The following NUP210L variants were observed in gnomAD, a reference collection of about 807,000 sequenced individuals.
NUP210L encodes nucleoporin 210 like.
A neutral mutation model predicts 208.5 loss-of-function variants in NUP210L; 74 were observed. That is an observed-to-expected ratio of 0.35 (90% CI 0.29 to 0.43). The LOEUF (loss-of-function observed/expected upper bound fraction) is 0.43, where lower values mean the gene tolerates loss of function less well. Ranked by LOEUF, NUP210L falls within the 20% of genes least tolerant of loss-of-function variation. The pLI is 1.00. For synonymous variants in NUP210L, 780 were observed against 816.9 expected, an observed-to-expected ratio of 0.95 and a Z score of 0.77; for missense variants, 1,843 against 2,289.4, an observed-to-expected ratio of 0.81 and a Z score of 3.98.
chr1:154,128,452 G>T (rs1200925617), intron 8 of NUP210L, among the ~76,000 whole-genome samples: 1 of 152,170 alleles, frequency 6.6e-6, no homozygotes, highest in Non-Finnish European at 1.5e-5. Flanking sequence ...TTGCATTCCA[G>T]CCTGGGCAAC....
intron 35 of NUP210L, among the ~76,000 whole-genome samples, chr1:154,003,627 G>A (rs568977587): frequency 3.4e-4 from 52 of 152,190 alleles, no homozygotes; most frequent in African/African-American, 1.2e-3. Context: ...CTCAGAGCTA[G>A]GGCTACAGGT....
At chr1:154,124,336 G>A (rs569917337) in intron 10 of NUP210L, among the ~76,000 whole-genome samples, 3 of 152,098 alleles carry the variant, frequency 2.0e-5, no homozygotes, top group East Asian at 1.9e-4. Flanking sequence ...GGGTGACTTC[G>A]GATTTTGTCT....
At chr1:154,044,330 C>T (rs1230855535) in intron 27 of NUP210L, among the ~76,000 whole-genome samples, 1 of 151,770 alleles carries the variant, frequency 6.6e-6, no homozygotes, top group Non-Finnish European at 1.5e-5. Flanking sequence ...TCGCTTGAAC[C>T]CAGGAGGCGG....
intron 38 of NUP210L, among the ~76,000 whole-genome samples, chr1:153,993,437 G>C (rs9943228): frequency 0.027 from 4,061 of 152,136 alleles, 182 homozygotes; most frequent in African/African-American, 0.091. Context: ...GTGTTGGCGG[G>C]TGCCTGTAGT....
chr1:154,057,690 ATGTG>A (rs4060104), intron 22 of NUP210L, among the ~76,000 whole-genome samples: 5,244 of 125,410 alleles, frequency 0.042, 88 homozygotes, highest in African/African-American at 0.056. Flanking sequence ...AGGACCTCGA[ATGTG>A]TGTGTGTGTG....
Position 154,056,963 on chromosome 1 carries a change from T to C in NUP210L, c.3108-16A>G. On this transcript the variant is annotated splice_polypyrimidine_tract_variant and intron_variant, in intron 22 of 39. Transcript: ENST00000368559. ...CTCCATTGGTCTGCAAAAACCCATG[T>C]ATTTTCAGGTGAGAAAGATTTTTGT... 1 of 1,605,262 alleles carries C rather than the reference T, an allele frequency of 6.2e-7. No individual in the cohort carries two copies. Among genetic ancestry groups the C allele is most frequent in the Non-Finnish European group, 8.5e-7 (1 of 1,177,420 alleles).
At chr1:154,118,556 C>A in intron 11 of NUP210L, 115 bp downstream of exon 11, 1 of 807,122 alleles carries the variant, frequency 1.2e-6, no homozygotes, top group Non-Finnish European at 1.8e-6. Context: ...CACCAAAACC[C>A]AAGTTATACT....
At chr1:154,040,069 C>G (rs1250293720) in intron 27 of NUP210L, 1 of 152,108 alleles carries the variant, frequency 6.6e-6, no homozygotes, top group East Asian at 1.9e-4. Flanking sequence ...ATCACTCAGG[C>G]TGAAGTGCAG....
chr1:154,052,795 T>C (rs1653591418), intron 25 of NUP210L, among the ~76,000 whole-genome samples: 1 of 152,246 alleles, frequency 6.6e-6, no homozygotes, highest in Non-Finnish European at 1.5e-5. Context: ...AAGATTGCAC[T>C]GCAGAACAGG....
At chr1:154,086,583 G>A (rs1035640168) in intron 16 of NUP210L, among the ~76,000 whole-genome samples, 13 of 151,968 alleles carry the variant, frequency 8.6e-5, no homozygotes, top group African/African-American at 2.4e-4. Context: ...GGCCAAGGCC[G>A]GAGTATCATT....
rs780804551 is a variant in NUP210L, at chr1:153,992,909, G to A, written c.5593C>T (p.Pro1865Ser). 38 of 1,612,930 alleles carry A rather than the reference G, an allele frequency of 2.4e-5. No homozygotes were observed. The highest frequency in any genetic ancestry group is 8.8e-5 in the South Asian group (8 of 90,946). Residue 1865 changes from proline to serine, a missense_variant, in exon 40 of 40, where the codon CCT becomes TCT. Physicochemically the swap from Pro to Ser is moderately conservative, Grantham distance 74. Transcript: ENST00000368559. The stretch of plus-strand genomic sequence containing the variant: ...GGAGGTTGTAGACTCATGAAGTGAG[G>A]GGGAGAACTTGTGGAGTTAAAAAAA...
intron 10 of NUP210L, among the ~76,000 whole-genome samples, chr1:154,124,525 G>C (rs1400470076): frequency 6.6e-6 from 1 of 151,172 alleles, no homozygotes; most frequent in Non-Finnish European, 1.5e-5. Context: ...TAATCCAAAA[G>C]AAAAAAAATG....
At chr1:154,040,198 T>G (rs757266551) in intron 27 of NUP210L, among the ~76,000 whole-genome samples, 5 of 152,082 alleles carry the variant, frequency 3.3e-5, no homozygotes, top group African/African-American at 4.8e-5. Context: ...AATCTTTCCT[T>G]GTTTGTTGTA....
Position 154,001,590 on chromosome 1 carries a change from G to A in NUP210L, c.5181+145C>T, listed in dbSNP as rs897016326. 1.2e-5 allele frequency: 11 copies of A among 910,254 alleles called. No individual in the cohort carries two copies. In the African/African-American group the frequency reaches 1.7e-4, roughly 14 times the overall value. The allele number at this position is 910,254 out of a possible 1,614,324, so 56.4% of individuals were successfully genotyped here. Reference sequence around the variant, plus strand: ...GCCTGCCTGGCATTATGAAGGAGATGGGTTTTCTTCATTTGATTTTGTCAT... The same window carrying A: ...GCCTGCCTGGCATTATGAAGGAGATAGGTTTTCTTCATTTGATTTTGTCAT... On this transcript the variant is annotated intron_variant, in intron 36 of 39. Coordinates refer to ENST00000368559, the Ensembl canonical transcript of NUP210L.
At chr1:154,050,075 T>C (rs1156796071) in intron 25 of NUP210L, among the ~76,000 whole-genome samples, 1 of 152,202 alleles carries the variant, frequency 6.6e-6, no homozygotes, top group Non-Finnish European at 1.5e-5. Flanking sequence ...TATGATCATT[T>C]ACAAAATTCG....
chr1:154,134,409 A>G (rs953381276), intron 7 of NUP210L, among the ~76,000 whole-genome samples: 3 of 148,706 alleles, frequency 2.0e-5, no homozygotes, highest in African/African-American at 7.4e-5. Flanking sequence ...TGACTATTAC[A>G]GATCTCCGTG....
intron 27 of NUP210L, among the ~76,000 whole-genome samples, chr1:154,030,580 T>C (rs1652158208): frequency 6.6e-6 from 1 of 151,562 alleles, no homozygotes; most frequent in Admixed American, 6.6e-5. Flanking sequence ...TTACAGTTAA[T>C]TTTTTGTTTT....
chr1:154,106,671 ACT>A (rs1656777315), intron 12 of NUP210L, among the ~76,000 whole-genome samples: 1 of 152,058 alleles, frequency 6.6e-6, no homozygotes, highest in African/African-American at 2.4e-5. Flanking sequence ...AGAGAGAGAG[ACT>A]CTGTTTGTTT....
chr1:154,094,481 A>T (rs1440413038), intron 15 of NUP210L, among the ~76,000 whole-genome samples: 1 of 152,162 alleles, frequency 6.6e-6, no homozygotes, highest in Non-Finnish European at 1.5e-5. Context: ...AAAAATAATT[A>T]AAAATAATTC....
Sources: gnomAD v4.1 joint callset for allele counts (sites outside exome capture counted in the v4.1 genomes callset) on GRCh38, gnomAD v4.1.1 for gene constraint, MANE v1.5 for transcripts, NCBI Gene and HGNC (gene_info 2026-07-23, HGNC 2026-07-21) for gene names.